The following EIPR1 variants were observed in gnomAD, a reference collection of about 807,000 sequenced individuals.
EIPR1 encodes EARP complex and GARP complex interacting protein 1, also known as EARP and GARP complex-interacting protein 1.
In EIPR1, 25 loss-of-function variants were observed where a neutral mutation model predicts 48.1. The observed-to-expected ratio is 0.52, with a 90% confidence interval of 0.38 to 0.73. The LOEUF (loss-of-function observed/expected upper bound fraction) is 0.73, where lower values mean the gene tolerates loss of function less well. Ranked by LOEUF, EIPR1 falls within the 30% of genes least tolerant of loss-of-function variation. EIPR1 has a pLI of 0.00. For missense variants in EIPR1, 415 were observed against 506.2 expected (o/e 0.82, Z 1.73); for synonymous variants, 204 against 201.9 (o/e 1.01, Z -0.09).
chr2:3,292,804 A>C (rs1302675867), intron 3 of EIPR1, among the ~76,000 whole-genome samples: 1 of 152,168 alleles, frequency 6.6e-6, no homozygotes, highest in Non-Finnish European at 1.5e-5. Flanking sequence ...CTTTATAATG[A>C]ATTCAACTGT....
chr2:3,289,070 C>T (rs563928096), intron 3 of EIPR1, among the ~76,000 whole-genome samples: 2 of 152,314 alleles, frequency 1.3e-5, no homozygotes, highest in African/African-American at 4.8e-5. Flanking sequence ...TTTAATTGCC[C>T]ATTTGCTTTC....
intron 3 of EIPR1, among the ~76,000 whole-genome samples, chr2:3,336,872 GAAGGGAAGGGAA>G (rs1419339822): frequency 4.1e-5 from 4 of 97,434 alleles, no homozygotes; most frequent in East Asian, 3.0e-4. Flanking sequence ...AGGGAAAAGG[GAAGGGAAGGGAA>G]AAGGGAAGGG....
Position 3,286,584 on chromosome 2 carries a change from CT to C in EIPR1, c.260-29130del, listed in dbSNP as rs1216732460. Among the ~76,000 whole-genome samples the C allele has an allele frequency of 1.3e-5, 2 of 152,252 alleles. No homozygotes were observed. The highest frequency in any genetic ancestry group is 6.5e-5 in the Admixed American group (1 of 15,292). ...GACTCTGGAAGCGTTTTCATAAGCA[CT>C]TGTCATATGTCATATGCAGTGTGCT... On this transcript the variant is annotated intron_variant, in intron 3 of 8. Coordinates refer to ENST00000382125, the MANE Select transcript of EIPR1 (RefSeq NM_003310.5). This position sits in a 1 kb window ranked among gnomAD's most constrained non-coding sequence, Gnocchi z 4.2.
intron 4 of EIPR1, among the ~76,000 whole-genome samples, chr2:3,219,746 C>T (rs931942026): frequency 2.6e-5 from 4 of 152,074 alleles, no homozygotes; most frequent in Admixed American, 6.5e-5. Context: ...ACACCCAACA[C>T]GGCCCTGGTA....
intron 1 of EIPR1, among the ~76,000 whole-genome samples, chr2:3,355,960 G>A (rs921582369): frequency 2.6e-5 from 4 of 152,202 alleles, no homozygotes; most frequent in Admixed American, 6.5e-5. Flanking sequence ...TCCCTGGGAA[G>A]CAAGCTCTAA....
intron 3 of EIPR1, chr2:3,282,746 G>A (rs995228718): frequency 6.6e-6 from 1 of 152,344 alleles, no homozygotes; most frequent in African/African-American, 2.4e-5. Context: ...GCGCTGCAGG[G>A]GCTGTGCCCG....
At chr2:3,314,319 C>T (rs1012092083) in intron 3 of EIPR1, among the ~76,000 whole-genome samples, 1 of 152,170 alleles carries the variant, frequency 6.6e-6, no homozygotes, top group African/African-American at 2.4e-5. Context: ...GAGGCCAGGG[C>T]TTGCTCGAGC....
intron 5 of EIPR1, among the ~76,000 whole-genome samples, chr2:3,203,925 A>G (rs138892030): frequency 1.5e-4 from 23 of 152,260 alleles, no homozygotes; most frequent in African/African-American, 4.8e-4. Flanking sequence ...AGCCCCACTG[A>G]CCCTGAGACC....
rs1225437454 is a variant in EIPR1, at chr2:3,369,881, C to T, written c.42+7767G>A. ...CCCTGTCTGACAGCTTTGAAGAGAG[C>T]AGTGGTTCTCCCAGCACGCAGCTGG... is the stretch of plus-strand genomic sequence containing the variant. On this transcript the variant is annotated intron_variant, in intron 1 of 8. Transcript: ENST00000382125. 2.6e-5 allele frequency among the ~76,000 whole-genome samples: 4 copies of T among 152,168 alleles called. No individual in the cohort carries two copies. In the East Asian group the frequency reaches 5.8e-4, roughly 22 times the overall value.
intron 3 of EIPR1, 193 bp from the exon 4 acceptor site, chr2:3,257,648 G>A (rs1572364288): frequency 1.0e-5 from 5 of 497,048 alleles, no homozygotes; most frequent in East Asian, 3.4e-5. Context: ...GGCACGGTTC[G>A]TAATCAGCAT....
At chr2:3,323,806 GC>G in intron 3 of EIPR1, among the ~76,000 whole-genome samples, 1 of 152,336 alleles carries the variant, frequency 6.6e-6, no homozygotes, top group East Asian at 1.9e-4. Flanking sequence ...AGTGTCTGCT[GC>G]TTAGTATCAC....
rs572271991 is a variant in EIPR1 at position 3,189,581 on chromosome 2, C to A, written c.990-73G>T. 1.2e-4 allele frequency: 167 copies of A among 1,388,518 alleles called. No homozygotes were observed. Among genetic ancestry groups the A allele is most frequent in the Non-Finnish European group, 1.2e-4 (127 of 1,041,202 alleles). The allele number at this position is 1,388,518 out of a possible 1,614,324, so 86.0% of individuals were successfully genotyped here. A position where few individuals can be genotyped will look rare whatever the true frequency, so the allele number is the denominator to read the frequency against. On this transcript the variant is annotated intron_variant, in intron 8 of 8. Coordinates refer to ENST00000382125, the MANE Select transcript of EIPR1 (RefSeq NM_003310.5). This position sits in a 1 kb window ranked among gnomAD's most constrained non-coding sequence, Gnocchi z 4.6. ...GGGCAGGAGAGGGGCAGGGAGGACG[C>A]GAGCGCTGACATCGGGAGACACGGG...
chr2:3,265,119 G>A (rs543622682), intron 3 of EIPR1, among the ~76,000 whole-genome samples: 1 of 152,268 alleles, frequency 6.6e-6, no homozygotes, highest in Non-Finnish European at 1.5e-5. Context: ...TGGTGGGTAC[G>A]AGGTGAGTTC....
chr2:3,354,488 T>C, intron 2 of EIPR1, 62 bp downstream of exon 2: 9 of 1,476,180 alleles, frequency 6.1e-6, no homozygotes, highest in Non-Finnish European at 8.4e-6. Flanking sequence ...CAGAGCAAAA[T>C]GGTTATAAAA....
At chr2:3,203,587 G>A (rs567645528) in intron 5 of EIPR1, among the ~76,000 whole-genome samples, 3 of 152,334 alleles carry the variant, frequency 2.0e-5, no homozygotes, top group Non-Finnish European at 2.9e-5. Flanking sequence ...CAGAGGTGAA[G>A]CTGTGACATG....
intron 2 of EIPR1, among the ~76,000 whole-genome samples, chr2:3,351,289 C>T (rs1406679850): frequency 6.6e-6 from 1 of 152,218 alleles, no homozygotes; most frequent in Non-Finnish European, 1.5e-5. Flanking sequence ...GCGTGAGCGA[C>T]CACACCTGGC....
At chr2:3,208,768 T>A in intron 5 of EIPR1, 1 of 1,548,024 alleles carries the variant, frequency 6.5e-7, no homozygotes, top group Non-Finnish European at 8.7e-7. Context: ...CCGTGGCGAG[T>A]CCTTCTTCCT....
chr2:3,250,415 AC>A (rs753289822), intron 4 of EIPR1, among the ~76,000 whole-genome samples: 23 of 152,066 alleles, frequency 1.5e-4, no homozygotes, highest in Non-Finnish European at 3.1e-4. Context: ...TAATGCCTGC[AC>A]CCCCATTGTA....
chr2:3,230,510 G>A (rs1666209473), intron 4 of EIPR1, among the ~76,000 whole-genome samples: 1 of 152,092 alleles, frequency 6.6e-6, no homozygotes, highest in African/African-American at 2.4e-5. Context: ...TTCCACTTGT[G>A]GCATCATATT....
Sources: gnomAD v4.1 joint callset for allele counts (sites outside exome capture counted in the v4.1 genomes callset) on GRCh38, gnomAD v4.1.1 for gene constraint, Gnocchi (gnomAD v3.1) non-coding constraint, MANE v1.5 for transcripts, NCBI Gene and HGNC (gene_info 2026-07-23, HGNC 2026-07-21) for gene names.